Variants in CDKAL1 observed in about 807,000 individuals in gnomAD.
CDKAL1 encodes the protein CDKAL1 threonylcarbamoyladenosine tRNA methylthiotransferase.
CDKAL1 carries 32 observed loss-of-function variants against 68.2 expected under a neutral mutation model. The observed-to-expected ratio is 0.47, with a 90% confidence interval of 0.35 to 0.63. The LOEUF (loss-of-function observed/expected upper bound fraction) is 0.63, where lower values mean the gene tolerates loss of function less well. CDKAL1 is among the 30% of genes least tolerant of loss of function. CDKAL1 has a pLI of 0.00. For missense variants in CDKAL1, 606 were observed against 696.7 expected (o/e 0.87, Z 1.47); for synonymous variants, 234 against 244.3 (o/e 0.96, Z 0.39).
chr6:20,821,908 G>T (rs539910456), intron 8 of CDKAL1, among the ~76,000 whole-genome samples: 2 of 152,262 alleles, frequency 1.3e-5, no homozygotes, highest in Admixed American at 1.3e-4. Context: ...CTCTTTCATG[G>T]GAAAATAAAT....
chr6:21,210,300 CA>C (rs1325841783), intron 15 of CDKAL1, among the ~76,000 whole-genome samples: 1 of 152,188 alleles, frequency 6.6e-6, no homozygotes, highest in Non-Finnish European at 1.5e-5. Flanking sequence ...GAAACCTAAT[CA>C]CTCATGTGAT....
At chr6:21,201,013 T>A in intron 14 of CDKAL1, 97 bp from the exon 15 acceptor site, 1 of 1,124,588 alleles carries the variant, frequency 8.9e-7, no homozygotes, top group Non-Finnish European at 1.3e-6. Context: ...ACAGGAGCTC[T>A]CCATACTATC....
At chr6:20,588,952 A>T (rs1765483309) in intron 4 of CDKAL1, among the ~76,000 whole-genome samples, 1 of 152,180 alleles carries the variant, frequency 6.6e-6, no homozygotes, top group African/African-American at 2.4e-5. Flanking sequence ...GAAAGTTTGA[A>T]ATCTTATAAT....
At chr6:21,162,066 T>C (rs1776952319) in intron 13 of CDKAL1, among the ~76,000 whole-genome samples, 1 of 152,222 alleles carries the variant, frequency 6.6e-6, no homozygotes, top group Admixed American at 6.5e-5. Context: ...ACTGTGTTAG[T>C]TGCAGGAAGT....
chr6:20,868,880 C>T (rs1760046194), intron 9 of CDKAL1, among the ~76,000 whole-genome samples: 1 of 152,164 alleles, frequency 6.6e-6, no homozygotes, highest in East Asian at 1.9e-4. Flanking sequence ...GGGATTGATA[C>T]TTGTAATCAG....
intron 4 of CDKAL1, among the ~76,000 whole-genome samples, chr6:20,592,700 C>T (rs193160314): frequency 6.6e-5 from 10 of 152,124 alleles, no homozygotes; most frequent in East Asian, 5.8e-4. Flanking sequence ...AACTCCTGAC[C>T]GTGTGATCCA....
At chr6:20,684,694 G>A (rs940163723) in intron 5 of CDKAL1, among the ~76,000 whole-genome samples, 1 of 151,278 alleles carries the variant, frequency 6.6e-6, no homozygotes, top group African/African-American at 2.5e-5. Flanking sequence ...TGTTAGCAGT[G>A]TTCTGGATTT....
At chr6:20,643,618 C>T (rs149089748) in intron 4 of CDKAL1, among the ~76,000 whole-genome samples, 46 of 152,288 alleles carry the variant, frequency 3.0e-4, no homozygotes, top group Admixed American at 2.8e-3. Context: ...TTTTCCTTCT[C>T]ACTTTTCATT....
At chr6:20,761,913 T>C (rs946264097) in intron 7 of CDKAL1, among the ~76,000 whole-genome samples, 2 of 152,162 alleles carry the variant, frequency 1.3e-5, no homozygotes, top group Admixed American at 1.3e-4. Flanking sequence ...ATGTAAACTG[T>C]GGACTCTTGA....
At chr6:20,896,406 T>C (rs1761696583) in intron 9 of CDKAL1, among the ~76,000 whole-genome samples, 1 of 152,172 alleles carries the variant, frequency 6.6e-6, no homozygotes, top group South Asian at 2.1e-4. Flanking sequence ...CCTCTTTTTT[T>C]CTTTTGAAGT....
At chr6:21,016,838 TTAAG>T (rs1314197591) in intron 11 of CDKAL1, among the ~76,000 whole-genome samples, 1 of 152,202 alleles carries the variant, frequency 6.6e-6, no homozygotes. Context: ...CACTGCCTCT[TTAAG>T]TAAGTATAGG....
chr6:20,647,822 A>C (rs1768549292), intron 4 of CDKAL1, among the ~76,000 whole-genome samples: 1 of 152,116 alleles, frequency 6.6e-6, no homozygotes, highest in African/African-American at 2.4e-5. Flanking sequence ...GGGGTAGAGG[A>C]AATGAATGCA....
intron 13 of CDKAL1, among the ~76,000 whole-genome samples, chr6:21,119,691 C>T (rs542363445): frequency 6.6e-6 from 1 of 152,204 alleles, no homozygotes; most frequent in Admixed American, 6.5e-5. Context: ...TTCTTAGTAT[C>T]CCACCTACTT....
intron 4 of CDKAL1, among the ~76,000 whole-genome samples, chr6:20,636,205 C>G (rs2127746330): frequency 6.6e-6 from 1 of 152,236 alleles, no homozygotes; most frequent in Middle Eastern, 3.4e-3. Context: ...TTTTTCAGAT[C>G]TCTTCCATTT....
chr6:20,881,860 AACC>A (rs1237137142), intron 9 of CDKAL1, among the ~76,000 whole-genome samples: 2 of 152,174 alleles, frequency 1.3e-5, no homozygotes, highest in Non-Finnish European at 2.9e-5. Context: ...TGGAAATTGT[AACC>A]ACTGCTGCAA....
intron 13 of CDKAL1, among the ~76,000 whole-genome samples, chr6:21,108,913 A>G (rs1443776867): frequency 6.6e-6 from 1 of 152,228 alleles, no homozygotes; most frequent in Non-Finnish European, 1.5e-5. Flanking sequence ...TGTCTGAAAT[A>G]TCTACTGCCT....
At chr6:20,639,868 A>C (rs951085788) in intron 4 of CDKAL1, among the ~76,000 whole-genome samples, 1 of 152,190 alleles carries the variant, frequency 6.6e-6, no homozygotes, top group Non-Finnish European at 1.5e-5. Flanking sequence ...ATGGGGTTTC[A>C]CCATGTTGGT....
intron 9 of CDKAL1, among the ~76,000 whole-genome samples, chr6:20,937,772 A>G (rs115749513): frequency 0.017 from 2,639 of 152,268 alleles, 75 homozygotes; most frequent in African/African-American, 0.06. Flanking sequence ...CAGAGCATCA[A>G]GGTACATGAT....
rs563097186 is a variant in CDKAL1, at chr6:21,079,918, T to C, written c.1236+14690T>C. Among the ~76,000 whole-genome samples the C allele has an allele frequency of 2.4e-4, 36 of 152,022 alleles. 2 individuals carry two copies. Among genetic ancestry groups the C allele is most frequent in the African/African-American group, 8.7e-4 (36 of 41,476 alleles). ...TGGCTTTTTTCTTGTGGCCTCTTTA[T>C]CTTTCTTTTTGTTTTTGTTGTTCTA... is the stretch of plus-strand genomic sequence containing the variant. On this transcript the variant is annotated intron_variant, in intron 12 of 15. Coordinates refer to ENST00000274695, the MANE Select transcript of CDKAL1 (RefSeq NM_017774.3).
Sources: gnomAD v4.1 joint callset for allele counts (sites outside exome capture counted in the v4.1 genomes callset) on GRCh38, gnomAD v4.1.1 for gene constraint, MANE v1.5 for transcripts, NCBI Gene and HGNC (gene_info 2026-07-23, HGNC 2026-07-21) for gene names.